The following PGBD5 variants were observed in gnomAD, a reference collection of about 807,000 sequenced individuals.
The protein encoded by PGBD5 is piggyBac transposable element derived 5.
A neutral mutation model predicts 47.9 loss-of-function variants in PGBD5; 14 were observed. The ratio of observed to expected loss-of-function variants is 0.29; its 90% CI spans 0.19 to 0.46. The LOEUF (loss-of-function observed/expected upper bound fraction) is 0.46. PGBD5 is among the 20% of genes least tolerant of loss of function. PGBD5 has a pLI of 1.00. For synonymous variants in PGBD5, 316 were observed against 306.3 expected (o/e 1.03, Z -0.33); for missense variants, 635 against 716.0 (o/e 0.89, Z 1.29).
rs1270713192 is a variant in PGBD5, at chr1:230,323,690, C to T, written c.1380-70G>A. ...CACCCGGAGATGCATCCCAAAGGCC[C>T]CCCCTCACCACAGCCCGTGAGACGC... On this transcript the variant is annotated intron_variant, in intron 6 of 6. Transcript: ENST00000391860. This position sits in a 1 kb window ranked among gnomAD's most constrained non-coding sequence, Gnocchi z 4.1. 1 of 1,456,636 alleles carries T rather than the reference C, an allele frequency of 6.9e-7. No individual in the cohort carries two copies. The highest frequency in any genetic ancestry group is 1.3e-5 in the South Asian group (1 of 78,310). The allele number at this position is 1,456,636 out of a possible 1,614,324, so 90.2% of individuals were successfully genotyped here.
At chr1:230,382,628 G>A (rs1266134010) in intron 1 of PGBD5, among the ~76,000 whole-genome samples, 2 of 152,188 alleles carry the variant, frequency 1.3e-5, no homozygotes, top group African/African-American at 2.4e-5. Flanking sequence ...GCAATCCTAG[G>A]TAAACTAGGG....
At chr1:230,372,474 C>A (rs929318426) in intron 1 of PGBD5, among the ~76,000 whole-genome samples, 5 of 152,264 alleles carry the variant, frequency 3.3e-5, no homozygotes, top group Non-Finnish European at 5.9e-5. Context: ...AGATAAACGT[C>A]CCCCCGCCAT....
At position 230,321,590 on chromosome 1, in the gene PGBD5, C is replaced by G. The variant is rs1287678882; in HGVS notation, c.*1835G>C. On this transcript the variant is annotated 3_prime_UTR_variant, in exon 7 of 7. Transcript: ENST00000391860. ...AAGTGCTGGGATTACAGGCATGAGC[C>G]ACCGCACCCCGCCTGTTCCCTGACC... 1.3e-5 allele frequency: 2 copies of G among 152,310 alleles called. No homozygotes were observed. The highest frequency in any genetic ancestry group is 4.8e-5 in the African/African-American group (2 of 41,470). The allele number at this position is 152,310 out of a possible 1,614,324, so 9.4% of individuals were successfully genotyped here.
intron 1 of PGBD5, among the ~76,000 whole-genome samples, chr1:230,370,314 G>C (rs1667909593): frequency 6.6e-6 from 1 of 152,168 alleles, no homozygotes. Flanking sequence ...CGGTTCGTGA[G>C]CCGTGGGGAC....
Position 230,426,320 on chromosome 1 carries a change from G to A in PGBD5, c.-392C>T, listed in dbSNP as rs1172613336. ...CTGCCCGCCCTCTCCACGGCCTCCG[G>A]CGCTCGGCTGCCGACCTTCCCGGGC... On this transcript the variant is annotated 5_prime_UTR_variant, in exon 1 of 7. Transcript: ENST00000391860. 2 of 148,884 alleles carry A rather than the reference G, an allele frequency of 1.3e-5. No individual in the cohort carries two copies. Among genetic ancestry groups the A allele is most frequent in the African/African-American group, 4.9e-5 (2 of 41,066 alleles). The allele number at this position is 148,884 out of a possible 1,614,324, so 9.2% of individuals were successfully genotyped here. A position where few individuals can be genotyped will look rare whatever the true frequency, so the allele number is the denominator to read the frequency against.
At chr1:230,367,830 G>C (rs1667862519) in intron 1 of PGBD5, 7 of 1,230,746 alleles carry the variant, frequency 5.7e-6, no homozygotes, top group Non-Finnish European at 7.4e-6. Flanking sequence ...ACTACAAAGA[G>C]CATTCTCGCG....
At chr1:230,345,224 C>T (rs942975027) in intron 3 of PGBD5, among the ~76,000 whole-genome samples, 12 of 152,234 alleles carry the variant, frequency 7.9e-5, no homozygotes, top group African/African-American at 2.9e-4. Flanking sequence ...ATCTTTTTGA[C>T]ATTGTGGAGC....
At chr1:230,330,823 G>GA (rs1239582581) in intron 5 of PGBD5, among the ~76,000 whole-genome samples, 1 of 152,156 alleles carries the variant, frequency 6.6e-6, no homozygotes, top group Admixed American at 6.5e-5. Context: ...TGAACTTTAT[G>GA]ATGTAAAATA....
At chr1:230,388,508 T>C (rs1281578897) in intron 1 of PGBD5, among the ~76,000 whole-genome samples, 1 of 151,464 alleles carries the variant, frequency 6.6e-6, no homozygotes, top group Non-Finnish European at 1.5e-5. Flanking sequence ...CTCTGCCTCC[T>C]GGGTTCACGC....
At chr1:230,352,729 C>G (rs2102702716) in intron 2 of PGBD5, among the ~76,000 whole-genome samples, 1 of 152,284 alleles carries the variant, frequency 6.6e-6, no homozygotes, top group Admixed American at 6.5e-5. Flanking sequence ...CACTCGCTGG[C>G]TCTTTGTAGC....
chr1:230,361,150 C>A (rs1040055432), intron 1 of PGBD5, among the ~76,000 whole-genome samples: 1 of 152,180 alleles, frequency 6.6e-6, no homozygotes, highest in Admixed American at 6.5e-5. Flanking sequence ...CTTCCCATCA[C>A]CTCCTCCCTC....
intron 1 of PGBD5, chr1:230,377,511 G>A (rs145478744): frequency 3.7e-6 from 6 of 1,612,760 alleles, no homozygotes; most frequent in African/African-American, 1.3e-5. Context: ...TGAATGAATC[G>A]CTTGGCTGCA....
rs1324708577 is a variant in PGBD5 at position 230,425,752 on chromosome 1, GGAGGCGGCCGAGGAGGAGCGC to G, written c.156_176del (p.Arg53_Ser59del). 2.3e-3 allele frequency: 2,795 copies of G among 1,212,712 alleles called. 5 individuals carry two copies. The highest frequency in any genetic ancestry group is 2.8e-3 in the Non-Finnish European group (2,693 of 975,776). 75.1% of individuals were successfully genotyped at this position (1,212,712 alleles called of 1,614,324 possible). A position where few individuals can be genotyped will look rare whatever the true frequency, so the allele number is the denominator to read the frequency against. On this transcript the variant is annotated inframe_deletion, in exon 1 of 7. Coordinates refer to ENST00000391860, the MANE Select transcript of PGBD5 (RefSeq NM_001258311.2). This position sits in a 1 kb window ranked among gnomAD's most constrained non-coding sequence, Gnocchi z 4.7. ...CCGGGGGCTCGCGCTCGTCGTCCGAGGAGGCGGCCGAGGAGGAGCGCGAGGCGGCCGAGGTGCTGTAGAAGG... is the reference window on the plus strand; with the variant it reads ...CCGGGGGCTCGCGCTCGTCGTCCGAGGAGGCGGCCGAGGTGCTGTAGAAGG...
chr1:230,402,511 AGG>A (rs1157926551), intron 1 of PGBD5, among the ~76,000 whole-genome samples: 1 of 152,178 alleles, frequency 6.6e-6, no homozygotes, highest in Non-Finnish European at 1.5e-5. Flanking sequence ...CTGTTGGGGG[AGG>A]GGGCTTTGCC....
chr1:230,329,252 T>A (rs1262767746), intron 5 of PGBD5, among the ~76,000 whole-genome samples: 2 of 152,166 alleles, frequency 1.3e-5, no homozygotes, highest in Non-Finnish European at 2.9e-5. Context: ...GCATAAGCCA[T>A]TGTGACTGGC....
chr1:230,348,124 G>C (rs552472188), intron 3 of PGBD5, among the ~76,000 whole-genome samples: 1 of 152,152 alleles, frequency 6.6e-6, no homozygotes, highest in African/African-American at 2.4e-5. Flanking sequence ...GAGCTTCCCC[G>C]CTAAGTCATT....
At chr1:230,377,770 A>ATT in intron 1 of PGBD5, 1 of 1,250,210 alleles carries the variant, frequency 8.0e-7, no homozygotes, top group Non-Finnish European at 1.0e-6. Flanking sequence ...AGCACAGTGC[A>ATT]GCATCCGGCT....
chr1:230,383,769 G>A lies in PGBD5; in HGVS notation c.332-26448C>T, dbSNP rs536807209. On this transcript the variant is annotated intron_variant, in intron 1 of 6. Transcript: ENST00000391860. ...GAGCCAGTGGCTTCTGAAGGGGCCT[G>A]AGCCCCATGAGCTTTGCCTGGCTTT... Among the ~76,000 whole-genome samples the A allele has an allele frequency of 1.1e-4, 16 of 152,356 alleles. No individual in the cohort carries two copies. The South Asian group carries it at 2.9e-3, about 28-fold the overall frequency.
At chr1:230,395,266 G>A (rs1449115237) in intron 1 of PGBD5, among the ~76,000 whole-genome samples, 3 of 17,148 alleles carry the variant, frequency 1.7e-4, no homozygotes, top group African/African-American at 2.8e-4. Context: ...CCCCCCTCAC[G>A]CTTCTCCCCA....
Sources: allele counts gnomAD v4.1 joint callset (sites outside exome capture counted in the v4.1 genomes callset), GRCh38; gene constraint gnomAD v4.1.1; non-coding constraint Gnocchi (gnomAD v3.1); transcripts MANE v1.5; gene names NCBI Gene and HGNC (gene_info 2026-07-23, HGNC 2026-07-21).